HOMER2: variants seen among roughly 807,000 people sequenced by gnomAD.
The protein encoded by HOMER2 is homer scaffold protein 2.
A neutral mutation model predicts 47.0 loss-of-function variants in HOMER2; 27 were observed. The observed-to-expected ratio is 0.57, with a 90% confidence interval of 0.42 to 0.79. The LOEUF (loss-of-function observed/expected upper bound fraction) is 0.79, where lower values mean the gene tolerates loss of function less well. HOMER2 is among the 30% of genes least tolerant of loss of function. The probability of loss-of-function intolerance (pLI) is 0.00; values close to 1 mark genes in which losing one functional copy is unlikely to be tolerated. For synonymous variants in HOMER2, 161 were observed against 163.8 expected, an observed-to-expected ratio of 0.98 and a Z score of 0.13; for missense variants, 443 against 435.0, an observed-to-expected ratio of 1.02 and a Z score of -0.16.
At chr15:82,889,168 C>T (rs937743508) in intron 2 of HOMER2, among the ~76,000 whole-genome samples, 1 of 152,230 alleles carries the variant, frequency 6.6e-6, no homozygotes, top group African/African-American at 2.4e-5. Flanking sequence ...AAGCTAAACG[C>T]ATCTGACCAC....
chr15:82,842,037 C>A (rs2051181055), exon 2 of HOMER2: 1 of 152,122 alleles, frequency 6.6e-6, no homozygotes, highest in South Asian at 2.1e-4. Flanking sequence ...AATGTTTACA[C>A]TTACATAAGT....
intron 5 of HOMER2, among the ~76,000 whole-genome samples, chr15:82,856,571 A>G (rs1485989876): frequency 2.6e-5 from 4 of 152,160 alleles, no homozygotes; most frequent in African/African-American, 9.7e-5. Flanking sequence ...GTAAGCTATG[A>G]TGACACCACT....
chr15:82,912,525 A>T (rs547356294), intron 1 of HOMER2, among the ~76,000 whole-genome samples: 1 of 152,072 alleles, frequency 6.6e-6, no homozygotes, highest in East Asian at 1.9e-4. Context: ...TCTTTTGGCT[A>T]TTACAAATAA....
chr15:82,939,101 G>A (rs1406023712), intron 1 of HOMER2, among the ~76,000 whole-genome samples: 1 of 152,204 alleles, frequency 6.6e-6, no homozygotes, highest in African/African-American at 2.4e-5. Context: ...TTGAGTGTTA[G>A]AGCTGAATTT....
downstream of HOMER2, chr15:82,846,924 C>T (rs1328717544): frequency 6.6e-6 from 1 of 152,216 alleles, no homozygotes; most frequent in African/African-American, 2.4e-5. Flanking sequence ...TAAAGGTCCT[C>T]TTGGTTAAAG....
intron 8 of HOMER2, 150 bp downstream of exon 8, chr15:82,851,001 C>T (rs139527158): frequency 2.0e-5 from 13 of 641,480 alleles, no homozygotes; most frequent in African/African-American, 2.0e-4. Context: ...GCGGTGCCAT[C>T]TGGCGTGCAG....
At chr15:82,905,441 GA>G (rs1234713994) in intron 1 of HOMER2, among the ~76,000 whole-genome samples, 1 of 152,096 alleles carries the variant, frequency 6.6e-6, no homozygotes, top group Non-Finnish European at 1.5e-5. Context: ...ATTAATGTCA[GA>G]CACCAAACCA....
downstream of HOMER2, among the ~76,000 whole-genome samples, chr15:82,836,291 G>A (rs905074514): frequency 2.0e-5 from 3 of 152,152 alleles, no homozygotes; most frequent in South Asian, 4.1e-4. Flanking sequence ...CTCTCCAGTC[G>A]GCCTCCAAAG....
intron 1 of HOMER2, 88 bp downstream of exon 1, chr15:82,952,443 G>T: frequency 1.0e-6 from 1 of 973,964 alleles, no homozygotes. Flanking sequence ...CCGGCCCGCC[G>T]GGAGGCTCCG....
chr15:82,969,803 C>T (rs1318324471), intron 1 of HOMER2, among the ~76,000 whole-genome samples: 1 of 152,044 alleles, frequency 6.6e-6, no homozygotes, highest in East Asian at 1.9e-4. Flanking sequence ...TGAAAGTTAA[C>T]ACTTTAGAAA....
Position 82,952,567 on chromosome 15 carries a change from G to A in HOMER2, c.-32C>T, listed in dbSNP as rs904963008. 5 of 1,168,242 alleles carry A rather than the reference G, an allele frequency of 4.3e-6. No homozygotes were observed. Among genetic ancestry groups the A allele is most frequent in the Non-Finnish European group, 4.2e-6 (4 of 947,402 alleles). The allele number at this position is 1,168,242 out of a possible 1,614,324, so 72.4% of individuals were successfully genotyped here. A position where few individuals can be genotyped will look rare whatever the true frequency, so the allele number is the denominator to read the frequency against. On this transcript the variant is annotated 5_prime_UTR_variant, in exon 1 of 9. Transcript: ENST00000450735. ...CGCTGCTCCGGCGGCCGCTCCGACG[G>A]GGCCTCTCGCGCTCGCTCTCCGCCC...
rs1596298944 is a variant in HOMER2 at position 82,849,978 on chromosome 15, A to C, written c.844-75T>G. On this transcript the variant is annotated intron_variant, in intron 8 of 8. Coordinates refer to ENST00000450735, the MANE Select transcript of HOMER2 (RefSeq NM_004839.4). ...ATCCTTCAAAACCTGCTACAGCTGAACCAACCATTCTCCATCCAATCTGAG... is the reference window on the plus strand; with the variant it reads ...ATCCTTCAAAACCTGCTACAGCTGACCCAACCATTCTCCATCCAATCTGAG... 2.1e-6 allele frequency: 3 copies of C among 1,458,682 alleles called. No homozygotes were observed. In the Admixed American group the frequency reaches 5.4e-5, roughly 26 times the overall value. The allele number at this position is 1,458,682 out of a possible 1,614,324, so 90.4% of individuals were successfully genotyped here.
intron 1 of HOMER2, among the ~76,000 whole-genome samples, chr15:82,945,446 G>T (rs1188115811): frequency 1.3e-5 from 2 of 152,128 alleles, no homozygotes; most frequent in Non-Finnish European, 2.9e-5. Context: ...GTTAAAAATA[G>T]ACTTGCTCTA....
intron 3 of HOMER2, among the ~76,000 whole-genome samples, chr15:82,869,179 C>T (rs527603753): frequency 9.2e-5 from 14 of 152,298 alleles, no homozygotes; most frequent in Middle Eastern, 3.4e-3. Flanking sequence ...CTGTTTTCTT[C>T]TACCACCAAC....
chr15:82,891,280 C>T (rs1447640439), intron 2 of HOMER2, among the ~76,000 whole-genome samples: 2 of 152,122 alleles, frequency 1.3e-5, no homozygotes, highest in East Asian at 3.9e-4. Flanking sequence ...TGAACCTGGG[C>T]CAGGTCATTG....
intron 2 of HOMER2, among the ~76,000 whole-genome samples, chr15:82,889,014 A>G (rs1341715710): frequency 6.6e-6 from 1 of 152,142 alleles, no homozygotes; most frequent in Non-Finnish European, 1.5e-5. Context: ...CTGCTTTGAG[A>G]GGAACGAATG....
At position 82,869,374 on chromosome 15, in the gene HOMER2, C is replaced by T. The variant is rs2052100503; in HGVS notation, c.295-5115G>A. ...TTCTTTTAAAATAGATTATATATCTCATTTTATGGCCTCTTTTGAAATAAA... is the reference window on the plus strand; with the variant it reads ...TTCTTTTAAAATAGATTATATATCTTATTTTATGGCCTCTTTTGAAATAAA... On this transcript the variant is annotated intron_variant, in intron 3 of 8. Transcript: ENST00000450735. Among the ~76,000 whole-genome samples the T allele has an allele frequency of 2.7e-5, 4 of 146,766 alleles. No homozygotes were observed. The South Asian group carries it at 9.0e-4, about 33-fold the overall frequency.
At chr15:82,896,315 G>A (rs1221583268) in intron 1 of HOMER2, among the ~76,000 whole-genome samples, 1 of 152,194 alleles carries the variant, frequency 6.6e-6, no homozygotes, top group Non-Finnish European at 1.5e-5. Context: ...AGGGAGCCGA[G>A]AAGATGGCAG....
chr15:82,864,966 T>C (rs898590497), intron 3 of HOMER2, among the ~76,000 whole-genome samples: 3 of 152,244 alleles, frequency 2.0e-5, no homozygotes, highest in Non-Finnish European at 4.4e-5. Flanking sequence ...AAACAAAAAC[T>C]AGCAAGTTGC....
Sources: gnomAD v4.1 joint callset for allele counts (sites outside exome capture counted in the v4.1 genomes callset) on GRCh38, gnomAD v4.1.1 for gene constraint, MANE v1.5 for transcripts, NCBI Gene and HGNC (gene_info 2026-07-23, HGNC 2026-07-21) for gene names.